The following STPG2 variants were observed in gnomAD, a reference collection of about 807,000 sequenced individuals.
STPG2 encodes sperm-tail PG-rich repeat-containing protein 2.
A neutral mutation model predicts 54.2 loss-of-function variants in STPG2; 56 were observed. The observed-to-expected ratio is 1.03, with a 90% CI of 0.83 to 1.29. The LOEUF is 1.29. Ranked by LOEUF, STPG2 falls within the 50% of genes most tolerant of loss-of-function variation. The pLI, the probability that STPG2 is intolerant of heterozygous loss-of-function variation, is 0.00. For synonymous variants in STPG2, 200 were observed against 181.8 expected, an observed-to-expected ratio of 1.10 and a Z score of -0.81; for missense variants, 596 against 544.9, an observed-to-expected ratio of 1.09 and a Z score of -0.93.
chr4:98,063,190 C>A (rs1256140181), intron 5 of STPG2, among the ~76,000 whole-genome samples: 1 of 152,138 alleles, frequency 6.6e-6, no homozygotes, highest in African/African-American at 2.4e-5. Flanking sequence ...GTGGCTCACG[C>A]CTGTAATCCC....
At chr4:97,605,235 T>C (rs939488026) in intron 10 of STPG2, among the ~76,000 whole-genome samples, 3 of 151,810 alleles carry the variant, frequency 2.0e-5, no homozygotes, top group African/African-American at 7.2e-5. Flanking sequence ...ATATCAAATA[T>C]ACTTTTCTAA....
intron 4 of STPG2, among the ~76,000 whole-genome samples, chr4:97,458,696 A>G (rs910356041): frequency 6.6e-6 from 1 of 152,176 alleles, no homozygotes; most frequent in African/African-American, 2.4e-5. Flanking sequence ...GTTCCCTGTC[A>G]AAGAAGGATG....
intron 10 of STPG2, among the ~76,000 whole-genome samples, chr4:97,646,239 C>A (rs939362478): frequency 6.6e-6 from 1 of 152,114 alleles, no homozygotes; most frequent in Non-Finnish European, 1.5e-5. Context: ...TATTTGCACA[C>A]AGTGCAAGGC....
intron 5 of STPG2, among the ~76,000 whole-genome samples, chr4:98,072,969 A>G (rs6832209): frequency 0.39 from 59,544 of 151,250 alleles, 11,895 homozygotes; most frequent in Middle Eastern, 0.46. Flanking sequence ...CGTGTACAAT[A>G]ATACCTCAAA....
intron 5 of STPG2, among the ~76,000 whole-genome samples, chr4:98,005,281 A>C (rs1302938993): frequency 6.6e-6 from 1 of 152,104 alleles, no homozygotes; most frequent in Non-Finnish European, 1.5e-5. Flanking sequence ...CAGTGACTCA[A>C]ATGTTAATCT....
chr4:98,087,674 C>T (rs1387165509), intron 5 of STPG2, among the ~76,000 whole-genome samples: 8 of 151,836 alleles, frequency 5.3e-5, no homozygotes, highest in African/African-American at 1.7e-4. Flanking sequence ...CATTCTCCCG[C>T]CTCTGCCTCC....
chr4:97,880,768 A>G lies in STPG2; in HGVS notation c.1045-39836T>C, dbSNP rs118134822. 4.1e-3 allele frequency among the ~76,000 whole-genome samples: 620 copies of G among 152,194 alleles called. 29 individuals carry two copies. The East Asian group carries it at 0.1, about 25-fold the overall frequency. On this transcript the variant is annotated intron_variant, in intron 8 of 10. Transcript: ENST00000295268. The stretch of plus-strand genomic sequence containing the variant: ...CTGGTAAGAGGAGCCTTCAAGGAGA[A>G]AGGGAATATACTCAAATTGAAGAGC...
At position 98,000,646 on chromosome 4, in the gene STPG2, TA is replaced by T. The variant is rs1250529317; in HGVS notation, c.613-19329del. On this transcript the variant is annotated intron_variant, in intron 5 of 10. Coordinates refer to ENST00000295268, the MANE Select transcript of STPG2 (RefSeq NM_174952.3). Reference sequence around the variant, plus strand: ...CAAACATGCTCTATGTGGTTCCTTTTAAACTGATTAAATTTAAACAAAATCA... The same window carrying T: ...CAAACATGCTCTATGTGGTTCCTTTTAACTGATTAAATTTAAACAAAATCA... Among the ~76,000 whole-genome samples the T allele has an allele frequency of 3.3e-5, 5 of 152,310 alleles. 1 individual carries two copies. In the Middle Eastern group the frequency reaches 0.01, roughly 311 times the overall value.
At chr4:97,559,556 C>T (rs1645182695) in intron 10 of STPG2, among the ~76,000 whole-genome samples, 1 of 152,128 alleles carries the variant, frequency 6.6e-6, no homozygotes, top group Admixed American at 6.5e-5. Flanking sequence ...TTTATTTTTC[C>T]TCTGAAATTT....
chr4:97,954,873 A>G (rs1041714276), intron 7 of STPG2, among the ~76,000 whole-genome samples: 8 of 152,106 alleles, frequency 5.3e-5, no homozygotes, highest in South Asian at 4.2e-4. Flanking sequence ...AAATCAAGAG[A>G]AAAAAAACAT....
Position 98,109,307 on chromosome 4 carries a change from T to A in STPG2, c.388-2A>T. 1.9e-6 allele frequency: 3 copies of A among 1,587,154 alleles called. No homozygotes were observed. The highest frequency in any genetic ancestry group is 2.6e-6 in the Non-Finnish European group (3 of 1,166,008). ...TTTCAAAGTTGCATTGGAAACATCC[T>A]AAAAAATAAAAAGTTTTAAAAAGTG... On this transcript the variant is annotated splice_acceptor_variant, in intron 3 of 10. Transcript: ENST00000295268. LOFTEE classifies it high-confidence loss of function.
intron 9 of STPG2, among the ~76,000 whole-genome samples, chr4:97,783,561 A>C (rs911736781): frequency 2.6e-5 from 4 of 152,190 alleles, no homozygotes; most frequent in Non-Finnish European, 5.9e-5. Context: ...TTGACCCAGC[A>C]ATCCCATTAC....
chr4:97,620,566 A>C (rs940311270), intron 10 of STPG2, among the ~76,000 whole-genome samples: 1 of 152,174 alleles, frequency 6.6e-6, no homozygotes, highest in African/African-American at 2.4e-5. Context: ...ACATATCGGT[A>C]AAGAGTTCAA....
chr4:97,632,676 G>T (rs529900571), intron 10 of STPG2, among the ~76,000 whole-genome samples: 1 of 152,090 alleles, frequency 6.6e-6, no homozygotes, highest in African/African-American at 2.4e-5. Context: ...TACTGTACCA[G>T]CCACCATGCT....
chr4:97,775,604 T>C (rs1726352257), intron 9 of STPG2, among the ~76,000 whole-genome samples: 1 of 152,112 alleles, frequency 6.6e-6, no homozygotes, highest in African/African-American at 2.4e-5. Flanking sequence ...GCACAATGTG[T>C]CTAAATTGTT....
At chr4:97,567,436 T>TTA (rs544777316) in intron 10 of STPG2, among the ~76,000 whole-genome samples, 317 of 148,826 alleles carry the variant, frequency 2.1e-3, no homozygotes, top group African/African-American at 7.5e-3. Flanking sequence ...ATATATAATT[T>TTA]TATATATATA....
chr4:97,602,978 T>C (rs771618239), intron 10 of STPG2, among the ~76,000 whole-genome samples: 1 of 151,694 alleles, frequency 6.6e-6, no homozygotes, highest in Admixed American at 6.6e-5. Flanking sequence ...ACAGTTTACA[T>C]TAAATTAGTT....
At chr4:97,688,004 A>T (rs1723251999) in intron 10 of STPG2, among the ~76,000 whole-genome samples, 1 of 152,162 alleles carries the variant, frequency 6.6e-6, no homozygotes, top group Non-Finnish European at 1.5e-5. Flanking sequence ...GAAGTTGTTC[A>T]ATCTTAATAT....
At chr4:97,727,147 T>C (rs979662543) in intron 9 of STPG2, among the ~76,000 whole-genome samples, 1 of 151,930 alleles carries the variant, frequency 6.6e-6, no homozygotes, top group Admixed American at 6.6e-5. Context: ...GTTTGGCTTC[T>C]ACAGTAAAAT....
Sources: allele counts gnomAD v4.1 joint callset (sites outside exome capture counted in the v4.1 genomes callset), GRCh38; gene constraint gnomAD v4.1.1; transcripts MANE v1.5; gene names NCBI Gene and HGNC (gene_info 2026-07-23, HGNC 2026-07-21).